The following NRG1 variants were observed in gnomAD, a reference collection of about 807,000 sequenced individuals.
NRG1 encodes the protein neuregulin 1.
Under a neutral mutation model 63.8 loss-of-function variants are expected in NRG1, and 18 were observed. That is an observed-to-expected ratio of 0.28 (90% CI 0.19 to 0.42). The LOEUF is 0.42. Among genes scored for constraint, NRG1 ranks in the 10% least tolerant of loss-of-function variants. The pLI is 1.00. For synonymous variants in NRG1, 302 were observed against 301.3 expected, an observed-to-expected ratio of 1.00 and a Z score of -0.02; for missense variants, 762 against 814.7, an observed-to-expected ratio of 0.94 and a Z score of 0.79.
chr8:32,137,158 C>T (rs941053259), intron 1 of NRG1, among the ~76,000 whole-genome samples: 2 of 152,012 alleles, frequency 1.3e-5, no homozygotes, highest in African/African-American at 4.8e-5. Context: ...AATATAAAGA[C>T]ATTATGGCCT....
At chr8:31,831,163 A>G (rs891082724) in intron 1 of NRG1, among the ~76,000 whole-genome samples, 16 of 151,216 alleles carry the variant, frequency 1.1e-4, no homozygotes, top group Admixed American at 9.2e-4. Context: ...GTGCAGTGGC[A>G]TGATCTTGGC....
At chr8:32,106,559 TATG>T (rs1290239584) in intron 1 of NRG1, among the ~76,000 whole-genome samples, 5 of 152,212 alleles carry the variant, frequency 3.3e-5, no homozygotes, top group Non-Finnish European at 7.3e-5. Flanking sequence ...GGTTTCTTAA[TATG>T]ATGAGCTCAT....
intron 1 of NRG1, among the ~76,000 whole-genome samples, chr8:31,782,080 G>A (rs770160845): frequency 1.3e-5 from 2 of 152,078 alleles, no homozygotes; most frequent in African/African-American, 2.4e-5. Context: ...TGGTACATGT[G>A]TTCAGTGACT....
intron 1 of NRG1, among the ~76,000 whole-genome samples, chr8:31,899,079 G>A (rs58481985): frequency 0.012 from 1,866 of 150,598 alleles, 45 homozygotes; most frequent in African/African-American, 0.043. Flanking sequence ...AAAGAGATAT[G>A]TAAAATATAT....
chr8:31,866,300 A>T (rs2129611021), intron 1 of NRG1, among the ~76,000 whole-genome samples: 1 of 152,276 alleles, frequency 6.6e-6, no homozygotes, highest in Non-Finnish European at 1.5e-5. Flanking sequence ...CCATACATGG[A>T]ATTTGTGGAG....
chr8:32,229,670 G>A (rs905044810), intron 1 of NRG1, among the ~76,000 whole-genome samples: 7 of 152,080 alleles, frequency 4.6e-5, no homozygotes, highest in African/African-American at 1.7e-4. Context: ...TGCGGAAAAC[G>A]CTGCCAAGAC....
intron 1 of NRG1, among the ~76,000 whole-genome samples, chr8:32,196,943 C>CTTTT (rs773398472): frequency 0.046 from 1,264 of 27,432 alleles, 490 homozygotes; most frequent in Non-Finnish European, 0.065. Context: ...TCAGAACATT[C>CTTTT]TTTTTTTTTT....
intron 1 of NRG1, among the ~76,000 whole-genome samples, chr8:31,896,551 TG>T (rs1480369684): frequency 6.6e-6 from 1 of 152,194 alleles, no homozygotes; most frequent in African/African-American, 2.4e-5. Context: ...TGTGTTTCAG[TG>T]GTTGTCTGGA....
intron 1 of NRG1, among the ~76,000 whole-genome samples, chr8:32,070,253 A>G (rs182284531): frequency 5.3e-5 from 8 of 152,316 alleles, no homozygotes; most frequent in African/African-American, 1.7e-4. Context: ...TTTCAAGCCA[A>G]ACGGAACTGG....
chr8:31,961,122 C>T (rs1437259627), intron 1 of NRG1, among the ~76,000 whole-genome samples: 1 of 152,118 alleles, frequency 6.6e-6, no homozygotes, highest in Non-Finnish European at 1.5e-5. Context: ...ACTTAATTTA[C>T]TCAGAGTAGT....
intron 1 of NRG1, among the ~76,000 whole-genome samples, chr8:32,254,036 T>TC (rs1849410806): frequency 6.6e-6 from 1 of 152,162 alleles, no homozygotes; most frequent in Non-Finnish European, 1.5e-5. Flanking sequence ...AGTGGTGATA[T>TC]CCCCTTCATC....
chr8:32,028,337 C>T lies in NRG1; in HGVS notation c.37+388906C>T, dbSNP rs140177698. On this transcript the variant is annotated intron_variant, in intron 1 of 10. Coordinates refer to the NRG1 transcript ENST00000519301. ...TTTCTGATATGTATGGTTTATGGTT[C>T]AATGGAAAAATATAAGAATTTTTCA... Among the ~76,000 whole-genome samples, 897 of 151,976 alleles carry T rather than the reference C, an allele frequency of 5.9e-3. 3 individuals are homozygous for T. Among genetic ancestry groups the T allele is most frequent in the Middle Eastern group, 0.014 (4 of 294 alleles).
intron 1 of NRG1, among the ~76,000 whole-genome samples, chr8:32,551,507 A>G (rs905731807): frequency 6.6e-6 from 1 of 152,152 alleles, no homozygotes; most frequent in Non-Finnish European, 1.5e-5. Context: ...GCATAAACAC[A>G]TCTGTTGGAG....
chr8:32,674,773 C>T (rs1241261195), intron 5 of NRG1, among the ~76,000 whole-genome samples: 1 of 152,114 alleles, frequency 6.6e-6, no homozygotes, highest in Admixed American at 6.6e-5. Context: ...ATAAATGGTT[C>T]TCTGCTCCCC....
At chr8:32,310,287 G>T (rs1040103339) in intron 1 of NRG1, among the ~76,000 whole-genome samples, 7 of 152,208 alleles carry the variant, frequency 4.6e-5, no homozygotes, top group Non-Finnish European at 8.8e-5. Context: ...AGTTTGATCT[G>T]ATATCCTATT....
intron 1 of NRG1, among the ~76,000 whole-genome samples, chr8:31,889,776 G>A (rs993149940): frequency 3.9e-5 from 6 of 152,164 alleles, no homozygotes; most frequent in African/African-American, 1.2e-4. Context: ...GTGGGCTGGC[G>A]ACCAAGTGCA....
chr8:31,663,472 C>A (rs1806210463), intron 1 of NRG1, among the ~76,000 whole-genome samples: 1 of 152,064 alleles, frequency 6.6e-6, no homozygotes, highest in Non-Finnish European at 1.5e-5. Context: ...TTTGGGAGCC[C>A]ATTATGTACT....
At chr8:32,473,226 T>C (rs1267272923) in intron 1 of NRG1, among the ~76,000 whole-genome samples, 1 of 152,234 alleles carries the variant, frequency 6.6e-6, no homozygotes, top group Non-Finnish European at 1.5e-5. Flanking sequence ...ATAATTACTA[T>C]TCTTTTTAAA....
At chr8:31,678,391 C>G (rs1807951347) in intron 1 of NRG1, among the ~76,000 whole-genome samples, 3 of 152,076 alleles carry the variant, frequency 2.0e-5, no homozygotes, top group Non-Finnish European at 2.9e-5. Context: ...CCAACATAAA[C>G]ACTTATTAAC....
Sources: allele counts gnomAD v4.1 joint callset (sites outside exome capture counted in the v4.1 genomes callset), GRCh38; gene constraint gnomAD v4.1.1; transcripts MANE v1.5; gene names NCBI Gene and HGNC (gene_info 2026-07-23, HGNC 2026-07-21).